Variants in OPCML observed in about 807,000 individuals in gnomAD.
OPCML encodes the protein opioid binding protein/cell adhesion molecule like, also known as opioid-binding protein/cell adhesion molecule.
In OPCML, 13 loss-of-function variants were observed where a neutral mutation model predicts 37.8. The observed-to-expected ratio is 0.34, with a 90% CI of 0.22 to 0.55. OPCML has a LOEUF of 0.55. Among genes scored for constraint, OPCML ranks in the 20% least tolerant of loss-of-function variants. The pLI is 0.91. For synonymous variants in OPCML, 176 were observed against 168.8 expected (o/e 1.04, Z -0.33); for missense variants, 341 against 435.6 (o/e 0.78, Z 1.93).
intron 1 of OPCML, among the ~76,000 whole-genome samples, chr11:133,142,508 G>A (rs73023511): frequency 0.043 from 6,492 of 152,174 alleles, 216 homozygotes; most frequent in African/African-American, 0.089. Flanking sequence ...TATCAGAATT[G>A]CTTACTCAAT....
At chr11:132,453,119 C>T (rs2096072820) in intron 4 of OPCML, among the ~76,000 whole-genome samples, 1 of 152,166 alleles carries the variant, frequency 6.6e-6, no homozygotes, top group African/African-American at 2.4e-5. Flanking sequence ...TTGTTAGATG[C>T]CCCTCATCTG....
intron 3 of OPCML, among the ~76,000 whole-genome samples, chr11:132,643,122 T>G (rs2135727691): frequency 6.6e-6 from 1 of 150,810 alleles, no homozygotes; most frequent in South Asian, 2.1e-4. Flanking sequence ...CTACTAAAAA[T>G]ACAAAACAGC....
chr11:132,797,047 C>T (rs752392445), intron 2 of OPCML, among the ~76,000 whole-genome samples: 53 of 152,178 alleles, frequency 3.5e-4, no homozygotes, highest in Non-Finnish European at 7.1e-4. Flanking sequence ...TATTTTCTCT[C>T]ACTCTGGGTT....
chr11:133,111,875 G>C (rs891246454), intron 1 of OPCML, among the ~76,000 whole-genome samples: 4 of 152,146 alleles, frequency 2.6e-5, no homozygotes, highest in Non-Finnish European at 5.9e-5. Context: ...TAACCTGCAG[G>C]ATGGGTGGAG....
chr11:133,532,162 C>T (rs957074743), intron 1 of OPCML, 102 bp downstream of exon 1: 9 of 1,533,556 alleles, frequency 5.9e-6, no homozygotes, highest in Non-Finnish European at 6.2e-6. Flanking sequence ...ACTCCCTGTC[C>T]TCACCCCTTC....
At chr11:133,283,739 G>A (rs1300776187) in intron 1 of OPCML, among the ~76,000 whole-genome samples, 1 of 152,140 alleles carries the variant, frequency 6.6e-6, no homozygotes, top group African/African-American at 2.4e-5. Flanking sequence ...AATAGAAGTT[G>A]GGGGAATAGG....
At chr11:132,755,784 C>T (rs1000060971) in intron 2 of OPCML, among the ~76,000 whole-genome samples, 4 of 152,166 alleles carry the variant, frequency 2.6e-5, no homozygotes, top group African/African-American at 9.7e-5. Flanking sequence ...AAGCCACAAC[C>T]ACCAACAAAG....
At chr11:133,530,624 C>A (rs1948586175) in intron 1 of OPCML, among the ~76,000 whole-genome samples, 1 of 152,214 alleles carries the variant, frequency 6.6e-6, no homozygotes, top group Non-Finnish European at 1.5e-5. Flanking sequence ...TGAGCACAGC[C>A]CCCAGGCTGG....
intron 1 of OPCML, among the ~76,000 whole-genome samples, chr11:133,022,729 C>T (rs11223331): frequency 0.39 from 58,525 of 151,888 alleles, 11,572 homozygotes; most frequent in African/African-American, 0.45. Context: ...AAATATCATC[C>T]GTGGAATAAT....
chr11:132,485,269 T>A lies in OPCML; in HGVS notation c.505+43792A>T, dbSNP rs113194104. Among the ~76,000 whole-genome samples, 972 of 152,206 alleles carry A rather than the reference T, an allele frequency of 6.4e-3. 13 individuals carry two copies. Among genetic ancestry groups the A allele is most frequent in the East Asian group, 0.062 (319 of 5,158 alleles). ...TGCATGCATTTACCTCATAAATAAG[T>A]GTTTATGACAGTCCAGGACTGGGGC... is the stretch of plus-strand genomic sequence containing the variant. On this transcript the variant is annotated intron_variant, in intron 4 of 7. Transcript: ENST00000524381.
chr11:132,659,591 C>A, intron 2 of OPCML, among the ~76,000 whole-genome samples: 1 of 152,098 alleles, frequency 6.6e-6, no homozygotes, highest in Non-Finnish European at 1.5e-5. Context: ...TTATGTAACC[C>A]CTTGCACATT....
At chr11:133,077,192 T>C (rs1024344948) in intron 1 of OPCML, among the ~76,000 whole-genome samples, 1 of 151,832 alleles carries the variant, frequency 6.6e-6, no homozygotes, top group African/African-American at 2.4e-5. Flanking sequence ...CCTGCCTGGA[T>C]ATCAGGAGGG....
intron 1 of OPCML, among the ~76,000 whole-genome samples, chr11:133,264,800 C>A (rs1352649163): frequency 2.0e-5 from 3 of 151,970 alleles, no homozygotes; most frequent in Non-Finnish European, 2.9e-5. Context: ...ATACATCTGT[C>A]ATCAATATGT....
intron 1 of OPCML, among the ~76,000 whole-genome samples, chr11:133,009,837 A>AGTTCCTAACAGGGCATGGACTG (rs1947183373): frequency 2.0e-5 from 3 of 152,172 alleles, no homozygotes; most frequent in Admixed American, 2.0e-4. Context: ...TGTGTGGCCC[A>AGTTCCTAACAGGGCATGGACTG]GTTCCTAACA....
intron 1 of OPCML, among the ~76,000 whole-genome samples, chr11:133,512,652 G>A (rs1948185029): frequency 6.6e-6 from 1 of 152,156 alleles, no homozygotes; most frequent in Non-Finnish European, 1.5e-5. Flanking sequence ...ATCACATCAT[G>A]AGTCCATCCA....
intron 3 of OPCML, among the ~76,000 whole-genome samples, chr11:132,597,324 G>A (rs1270576169): frequency 1.2e-4 from 19 of 152,178 alleles, no homozygotes; most frequent in Admixed American, 7.2e-4. Context: ...TGAATAAAGC[G>A]AAATGAAAGA....
chr11:132,666,489 C>T (rs1332638119), intron 2 of OPCML, among the ~76,000 whole-genome samples: 3 of 152,208 alleles, frequency 2.0e-5, no homozygotes, highest in Admixed American at 1.3e-4. Flanking sequence ...TTGGGGCTCA[C>T]ATTTCTAGAT....
chr11:133,347,808 G>A (rs1033228751), intron 1 of OPCML, among the ~76,000 whole-genome samples: 3 of 152,164 alleles, frequency 2.0e-5, no homozygotes, highest in Non-Finnish European at 4.4e-5. Flanking sequence ...ATACTTGGGG[G>A]TGAGATCAAG....
Position 133,174,756 on chromosome 11 carries a change from G to A in OPCML, c.62-231746C>T, listed in dbSNP as rs1180157719. ...TATCTATATTTTCATCTCTCTGACT[G>A]TTTTAGTCATTCAACTCTATATTAT... On this transcript the variant is annotated intron_variant, in intron 1 of 7. Transcript: ENST00000524381. The surrounding 1 kb of genome is among the most constrained non-coding windows in gnomAD (Gnocchi z 4.6). 6.6e-6 allele frequency among the ~76,000 whole-genome samples: 1 copy of A among 151,322 alleles called. No homozygotes were observed. The highest frequency in any genetic ancestry group is 1.5e-5 in the Non-Finnish European group (1 of 67,978).
Sources: allele counts gnomAD v4.1 joint callset (sites outside exome capture counted in the v4.1 genomes callset), GRCh38; gene constraint gnomAD v4.1.1; non-coding constraint Gnocchi (gnomAD v3.1); transcripts MANE v1.5; gene names NCBI Gene and HGNC (gene_info 2026-07-23, HGNC 2026-07-21).